CCDC178: variants seen among roughly 807,000 people sequenced by gnomAD.
CCDC178 encodes coiled-coil domain containing 178.
CCDC178 carries 126 observed loss-of-function variants against 117.4 expected under a neutral mutation model. The ratio of observed to expected loss-of-function variants is 1.07; its 90% CI spans 0.93 to 1.24. The LOEUF (loss-of-function observed/expected upper bound fraction) is 1.24, where lower values mean the gene tolerates loss of function less well. Ranked by LOEUF, CCDC178 falls within the 50% of genes most tolerant of loss-of-function variation. The pLI is 0.00. For missense variants in CCDC178, 1,030 were observed against 986.9 expected (o/e 1.04, Z -0.59); for synonymous variants, 283 against 313.4 (o/e 0.90, Z 1.02).
intron 15 of CCDC178, among the ~76,000 whole-genome samples, chr18:33,228,300 C>T (rs901955342): frequency 6.6e-6 from 1 of 152,066 alleles, no homozygotes; most frequent in African/African-American, 2.4e-5. Context: ...ATTCACTCAT[C>T]CATTCATTCT....
chr18:33,310,887 C>T (rs1033112650), intron 11 of CCDC178, among the ~76,000 whole-genome samples: 2 of 152,146 alleles, frequency 1.3e-5, no homozygotes, highest in Admixed American at 1.3e-4. Flanking sequence ...CCTTGGACTC[C>T]TCTCAGGGAG....
chr18:33,431,498 T>G (rs2064219774), intron 2 of CCDC178, among the ~76,000 whole-genome samples: 2 of 152,206 alleles, frequency 1.3e-5, no homozygotes, highest in Non-Finnish European at 2.9e-5. Flanking sequence ...GTAGTGTTAT[T>G]TAAGTCAATT....
At chr18:33,132,593 A>G (rs1304732761) in intron 20 of CCDC178, among the ~76,000 whole-genome samples, 1 of 151,750 alleles carries the variant, frequency 6.6e-6, no homozygotes, top group African/African-American at 2.4e-5. Flanking sequence ...ATCTGCCTAT[A>G]AACAGCATTC....
rs555456296 is a variant in CCDC178 at position 33,437,265 on chromosome 18, T to C, written c.-23+2697A>G. On this transcript the variant is annotated intron_variant, in intron 2 of 22. Transcript: ENST00000383096. Reference sequence around the variant, plus strand: ...AAAATCTCATTTACACAAAGAAAATTTTTAAAGAAACAAAAATAATTGTCT... The same window carrying C: ...AAAATCTCATTTACACAAAGAAAATCTTTAAAGAAACAAAAATAATTGTCT... Among the ~76,000 whole-genome samples the C allele has an allele frequency of 1.0e-3, 158 of 152,328 alleles. 1 individual carries two copies. The highest frequency in any genetic ancestry group is 2.0e-3 in the Admixed American group (30 of 15,296).
intron 21 of CCDC178, among the ~76,000 whole-genome samples, chr18:33,036,394 T>C (rs910151848): frequency 6.6e-6 from 1 of 151,874 alleles, no homozygotes; most frequent in Non-Finnish European, 1.5e-5. Context: ...TAAAAAGTGA[T>C]TAAGACATGG....
chr18:33,179,977 C>CT (rs1293416002), intron 20 of CCDC178, among the ~76,000 whole-genome samples: 8 of 151,964 alleles, frequency 5.3e-5, no homozygotes, highest in East Asian at 1.9e-4. Flanking sequence ...CTGCAAATAT[C>CT]TGTTTTTTAT....
In CCDC178 at chr18:33,046,734, T is replaced by C. The variant is rs1806353284; in HGVS notation, c.2388+46027A>G. 2.0e-5 allele frequency among the ~76,000 whole-genome samples: 3 copies of C among 152,150 alleles called. No homozygotes were observed. In the South Asian group the frequency reaches 6.2e-4, roughly 31 times the overall value. On this transcript the variant is annotated intron_variant, in intron 21 of 22. Transcript: ENST00000383096. ...CCATCTTTGCTGCTCTCCAGCCTCC[T>C]TGAGTGACATCTCTAGGCAGGGGAG... is the stretch of plus-strand genomic sequence containing the variant.
intron 21 of CCDC178, among the ~76,000 whole-genome samples, chr18:33,032,050 C>A (rs1168548791): frequency 6.6e-6 from 1 of 152,032 alleles, no homozygotes; most frequent in East Asian, 1.9e-4. Context: ...GCAAAAATAA[C>A]CAATGGTAGG....
At chr18:33,088,370 T>C (rs1273994586) in intron 21 of CCDC178, among the ~76,000 whole-genome samples, 1 of 152,006 alleles carries the variant, frequency 6.6e-6, no homozygotes, top group African/African-American at 2.4e-5. Flanking sequence ...TATATCAAGT[T>C]GGAAATAATG....
rs556103655 is a variant in CCDC178 at position 33,328,171 on chromosome 18, G to A, written c.880-4538C>T. ...GGCTGGAGTGCAGTGGCGCGATCTC[G>A]GCTCACTGCAACCCCCGCCCCACCG... On this transcript the variant is annotated intron_variant, in intron 10 of 22. Coordinates refer to ENST00000383096, the MANE Select transcript of CCDC178 (RefSeq NM_001105528.4). 116 of 275,276 alleles carry A rather than the reference G, an allele frequency of 4.2e-4. 1 individual carries two copies. Among genetic ancestry groups the A allele is most frequent in the South Asian group, 3.2e-3 (104 of 32,958 alleles). 17.1% of individuals were successfully genotyped at this position (275,276 alleles called of 1,614,324 possible). A position where few individuals can be genotyped will look rare whatever the true frequency, so the allele number is the denominator to read the frequency against.
chr18:33,139,621 T>C (rs2058173213), intron 20 of CCDC178, among the ~76,000 whole-genome samples: 1 of 152,068 alleles, frequency 6.6e-6, no homozygotes, highest in African/African-American at 2.4e-5. Flanking sequence ...AGAGAGATGA[T>C]TTAGGGTATC....
chr18:33,243,077 G>T (rs558585102), intron 15 of CCDC178, among the ~76,000 whole-genome samples: 10 of 151,890 alleles, frequency 6.6e-5, no homozygotes, highest in Non-Finnish European at 1.2e-4. Flanking sequence ...CCATAAGAAA[G>T]AATGAAATCC....
At chr18:33,349,772 C>G (rs1212704695) in intron 7 of CCDC178, among the ~76,000 whole-genome samples, 2 of 151,688 alleles carry the variant, frequency 1.3e-5, no homozygotes, top group African/African-American at 4.8e-5. Flanking sequence ...AAACTGTATA[C>G]ATACCAAAAA....
At chr18:33,179,903 AT>A (rs2058715654) in intron 20 of CCDC178, among the ~76,000 whole-genome samples, 1 of 151,886 alleles carries the variant, frequency 6.6e-6, no homozygotes, top group Admixed American at 6.6e-5. Context: ...TTTTTTTAAA[AT>A]TTTTTTGGCT....
Position 33,058,590 on chromosome 18 carries a change from A to G in CCDC178, c.2388+34171T>C, listed in dbSNP as rs540101030. On this transcript the variant is annotated intron_variant, in intron 21 of 22. Transcript: ENST00000383096. ...GATTACACAGAAAAAATTTTGTAAAACATAGTTTTATGGAAATAAGTCTCA... is the reference window on the plus strand; with the variant it reads ...GATTACACAGAAAAAATTTTGTAAAGCATAGTTTTATGGAAATAAGTCTCA... Among the ~76,000 whole-genome samples, 4 of 152,322 alleles carry G rather than the reference A, an allele frequency of 2.6e-5. No homozygotes were observed. In the South Asian group the frequency reaches 8.3e-4, roughly 32 times the overall value.
At chr18:33,425,510 C>A (rs1006859410) in intron 2 of CCDC178, among the ~76,000 whole-genome samples, 1 of 152,174 alleles carries the variant, frequency 6.6e-6, no homozygotes, top group Admixed American at 6.5e-5. Context: ...GCTGCTGACA[C>A]CTCCTGAGTT....
chr18:33,010,591 T>C (rs1398152925), intron 21 of CCDC178, among the ~76,000 whole-genome samples: 1 of 152,158 alleles, frequency 6.6e-6, no homozygotes, highest in Non-Finnish European at 1.5e-5. Flanking sequence ...TTGTAAACAG[T>C]AATATAGAAG....
At chr18:33,341,612 T>C (rs1189149481) in intron 9 of CCDC178, among the ~76,000 whole-genome samples, 1 of 152,220 alleles carries the variant, frequency 6.6e-6, no homozygotes, top group African/African-American at 2.4e-5. Flanking sequence ...TCTCATGTTA[T>C]TCTCATGTTA....
At chr18:33,009,179 A>G (rs2055811775) in intron 21 of CCDC178, among the ~76,000 whole-genome samples, 1 of 152,046 alleles carries the variant, frequency 6.6e-6, no homozygotes, top group Non-Finnish European at 1.5e-5. Context: ...GATCCAAGCC[A>G]TCAAAATCTC....
Sources: gnomAD v4.1 joint callset for allele counts (sites outside exome capture counted in the v4.1 genomes callset) on GRCh38, gnomAD v4.1.1 for gene constraint, MANE v1.5 for transcripts, NCBI Gene and HGNC (gene_info 2026-07-23, HGNC 2026-07-21) for gene names.